The following VMP1 variants were observed in gnomAD, a reference collection of about 807,000 sequenced individuals.
VMP1 encodes the protein ectopic P-granules autophagy protein 3 homolog.
Under a neutral mutation model 56.0 loss-of-function variants are expected in VMP1, and 11 were observed. That is an observed-to-expected ratio of 0.20 (90% confidence interval 0.12 to 0.32). VMP1 has a LOEUF of 0.32. Ranked by LOEUF, VMP1 falls within the 10% of genes least tolerant of loss-of-function variation. The pLI is 1.00. For missense variants in VMP1, 296 were observed against 490.3 expected, an observed-to-expected ratio of 0.60 and a Z score of 3.74; for synonymous variants, 149 against 165.0, an observed-to-expected ratio of 0.90 and a Z score of 0.74.
At chr17:59,804,628 A>AG (rs1223211921) in intron 7 of VMP1, among the ~76,000 whole-genome samples, 4 of 151,400 alleles carry the variant, frequency 2.6e-5, no homozygotes, top group African/African-American at 7.3e-5. Context: ...AAAAAAAAAA[A>AG]AAAAAAAAAG....
intron 10 of VMP1, among the ~76,000 whole-genome samples, chr17:59,819,633 T>C (rs1326506568): frequency 6.6e-6 from 1 of 152,182 alleles, no homozygotes; most frequent in Non-Finnish European, 1.5e-5. Flanking sequence ...TTTGTATTTT[T>C]AGTAGAGTTA....
At chr17:59,749,912 T>C (rs1283751693) in intron 5 of VMP1, among the ~76,000 whole-genome samples, 1 of 152,066 alleles carries the variant, frequency 6.6e-6, no homozygotes. Context: ...TCATCCTAGG[T>C]TTTACATGAT....
Position 59,737,504 on chromosome 17 carries a change from G to A in VMP1, c.264G>A (p.Val88=). ...TGTCTTTTTTACTGCTGCTTGCTGTGCTTATAGCTACGTATTATGTTGAAG... is the reference window on the plus strand; with the variant it reads ...TGTCTTTTTTACTGCTGCTTGCTGTACTTATAGCTACGTATTATGTTGAAG... ...IVVSFLLLLA[V]LIATYYVEGV... Residue 88 remains valine, a synonymous_variant, in exon 4 of 12, where the codon GTG becomes GTA. Coordinates refer to ENST00000262291, the MANE Select transcript of VMP1 (RefSeq NM_030938.5). The A allele has an allele frequency of 6.2e-7, 1 of 1,611,770 alleles. No individual in the cohort carries two copies. The highest frequency in any genetic ancestry group is 8.5e-7 in the Non-Finnish European group (1 of 1,179,068).
chr17:59,725,642 C>T (rs1467248534), intron 1 of VMP1, among the ~76,000 whole-genome samples: 1 of 151,000 alleles, frequency 6.6e-6, no homozygotes, highest in Admixed American at 6.6e-5. Flanking sequence ...GCTATATTTC[C>T]TTCTTTTGGG....
chr17:59,809,025 GTC>G (rs1447245966), intron 8 of VMP1, 149 bp downstream of exon 8: 1 of 651,608 alleles, frequency 1.5e-6, no homozygotes, highest in Non-Finnish European at 2.5e-6. Flanking sequence ...TTAAGACGGA[GTC>G]TCCCTCTTGT....
chr17:59,814,457 T>C (rs1003999542), intron 9 of VMP1, among the ~76,000 whole-genome samples: 1 of 152,250 alleles, frequency 6.6e-6, no homozygotes, highest in Non-Finnish European at 1.5e-5. Flanking sequence ...CCAAGTCTTT[T>C]GACTTCAAGT....
chr17:59,744,457 C>T (rs1171480433), intron 5 of VMP1, among the ~76,000 whole-genome samples: 1 of 112,272 alleles, frequency 8.9e-6, no homozygotes, highest in Admixed American at 9.7e-5. Flanking sequence ...AGCGAAATTC[C>T]ATCTCAAAAA....
intron 5 of VMP1, among the ~76,000 whole-genome samples, chr17:59,754,269 C>T (rs1205195053): frequency 2.6e-5 from 4 of 152,060 alleles, no homozygotes; most frequent in African/African-American, 9.7e-5. Flanking sequence ...ATATGGCACC[C>T]TAAGGAGGAA....
intron 1 of VMP1, among the ~76,000 whole-genome samples, chr17:59,721,205 G>A (rs2034382109): frequency 6.6e-6 from 1 of 151,964 alleles, no homozygotes; most frequent in South Asian, 2.1e-4. Flanking sequence ...AATTAGCTGG[G>A]TGTGGTGGCA....
chr17:59,808,990 G>A, intron 8 of VMP1, 114 bp downstream of exon 8: 2 of 808,750 alleles, frequency 2.5e-6, no homozygotes, highest in Non-Finnish European at 3.7e-6. Flanking sequence ...ATGTAATTTT[G>A]TGAATCATTC....
At chr17:59,718,108 A>G (rs2034238213) in intron 1 of VMP1, among the ~76,000 whole-genome samples, 1 of 151,758 alleles carries the variant, frequency 6.6e-6, no homozygotes. Context: ...AATGTTTTTA[A>G]ATTGCATCCT....
chr17:59,714,310 A>T (rs2034063431), intron 1 of VMP1, among the ~76,000 whole-genome samples: 1 of 151,688 alleles, frequency 6.6e-6, no homozygotes, highest in East Asian at 1.9e-4. Flanking sequence ...AACCAGTCCT[A>T]CCCCCATGAT....
At chr17:59,717,314 G>A (rs1290630432) in intron 1 of VMP1, among the ~76,000 whole-genome samples, 1 of 152,136 alleles carries the variant, frequency 6.6e-6, no homozygotes, top group African/African-American at 2.4e-5. Flanking sequence ...AGATTGCATT[G>A]GTTATGAAAA....
chr17:59,808,112 A>G (rs1359926251), intron 7 of VMP1, among the ~76,000 whole-genome samples: 1 of 152,220 alleles, frequency 6.6e-6, no homozygotes, highest in Non-Finnish European at 1.5e-5. Flanking sequence ...AACAGAGTGA[A>G]GTAAAAAGCA....
chr17:59,825,077 ATTTTTTTTTTT>A (rs747807694), intron 10 of VMP1, among the ~76,000 whole-genome samples: 3 of 70,100 alleles, frequency 4.3e-5, no homozygotes, highest in Admixed American at 2.0e-4. Flanking sequence ...GTTAGTTGTG[ATTTTTTTTTTT>A]TTTTTTTTTT....
At chr17:59,817,045 G>T (rs1568203278) in intron 9 of VMP1, among the ~76,000 whole-genome samples, 1 of 151,302 alleles carries the variant, frequency 6.6e-6, no homozygotes, top group Non-Finnish European at 1.5e-5. Flanking sequence ...GAGGCAGATG[G>T]ATCACTTGAG....
At chr17:59,764,869 G>A (rs2036177583) in intron 5 of VMP1, 102 bp from the exon 6 acceptor site, 2 of 874,084 alleles carry the variant, frequency 2.3e-6, no homozygotes, top group Non-Finnish European at 3.1e-6. Flanking sequence ...TTCTTTGAAA[G>A]CTAAGATTTT....
chr17:59,827,657 G>A (rs1201109171), intron 10 of VMP1, among the ~76,000 whole-genome samples: 1 of 151,932 alleles, frequency 6.6e-6, no homozygotes, highest in African/African-American at 2.4e-5. Flanking sequence ...GTGCAGATCT[G>A]TCACTATAAA....
chr17:59,748,195 C>CAA (rs36016640), intron 5 of VMP1, among the ~76,000 whole-genome samples: 30 of 103,068 alleles, frequency 2.9e-4, no homozygotes, highest in African/African-American at 3.4e-4. Context: ...GACTCCGTCT[C>CAA]AAAAAAAAAA....
Sources: gnomAD v4.1 joint callset for allele counts (sites outside exome capture counted in the v4.1 genomes callset) on GRCh38, gnomAD v4.1.1 for gene constraint, MANE v1.5 for transcripts, NCBI Gene and HGNC (gene_info 2026-07-23, HGNC 2026-07-21) for gene names.